The following NTM variants were observed in gnomAD, a reference collection of about 807,000 sequenced individuals.
NTM encodes the protein IgLON family member 2.
Under a neutral mutation model 42.1 loss-of-function variants are expected in NTM, and 13 were observed. The observed-to-expected ratio is 0.31, with a 90% CI of 0.20 to 0.49. The LOEUF (loss-of-function observed/expected upper bound fraction) is 0.49. Ranked by LOEUF, NTM falls within the 20% of genes least tolerant of loss-of-function variation. The pLI is 0.99. For synonymous variants in NTM, 187 were observed against 179.2 expected (o/e 1.04, Z -0.35); for missense variants, 373 against 452.8 (o/e 0.82, Z 1.60).
intron 1 of NTM, among the ~76,000 whole-genome samples, chr11:131,421,530 G>T (rs1315629223): frequency 6.6e-6 from 1 of 152,198 alleles, no homozygotes. Flanking sequence ...AGGAACAGGG[G>T]CTTAATTAGG....
At chr11:132,317,560 A>G in intron 7 of NTM, 1 of 595,098 alleles carries the variant, frequency 1.7e-6, no homozygotes, top group Middle Eastern at 3.6e-4. Context: ...TGTGAAAGGC[A>G]GTATACAAAC....
chr11:132,327,688 C>T (rs1199338607), intron 7 of NTM, among the ~76,000 whole-genome samples: 1 of 152,158 alleles, frequency 6.6e-6, no homozygotes, highest in Non-Finnish European at 1.5e-5. Context: ...ATATAACTTT[C>T]TGGATTGAGC....
intron 3 of NTM, among the ~76,000 whole-genome samples, chr11:132,179,441 A>T (rs1019680340): frequency 1.3e-5 from 2 of 152,126 alleles, no homozygotes; most frequent in African/African-American, 4.8e-5. Flanking sequence ...GGAGAGAGAG[A>T]CAGAGACAGA....
intron 4 of NTM, among the ~76,000 whole-genome samples, chr11:132,290,328 G>T (rs2094414459): frequency 6.6e-6 from 1 of 151,866 alleles, no homozygotes; most frequent in African/African-American, 2.4e-5. Flanking sequence ...ATCTCCCACT[G>T]CCCTGCCCTT....
chr11:131,430,433 A>G (rs1948559031), intron 1 of NTM, among the ~76,000 whole-genome samples: 1 of 152,284 alleles, frequency 6.6e-6, no homozygotes, highest in African/African-American at 2.4e-5. Context: ...CACATCTGAA[A>G]TCCAGGGAGG....
At chr11:131,965,029 G>C (rs112073316) in intron 2 of NTM, among the ~76,000 whole-genome samples, 1 of 152,050 alleles carries the variant, frequency 6.6e-6, no homozygotes, top group Non-Finnish European at 1.5e-5. Flanking sequence ...GGAGGATTAC[G>C]CTGGAACCTG....
chr11:132,156,940 T>A (rs574856873), intron 3 of NTM, among the ~76,000 whole-genome samples: 1 of 152,280 alleles, frequency 6.6e-6, no homozygotes, highest in South Asian at 2.1e-4. Flanking sequence ...AGCAGAGGGA[T>A]ATGAAGATGC....
At chr11:131,612,189 A>T (rs952168414) in intron 1 of NTM, among the ~76,000 whole-genome samples, 1 of 152,170 alleles carries the variant, frequency 6.6e-6, no homozygotes, top group Non-Finnish European at 1.5e-5. Context: ...TTGGAAGTGG[A>T]TCCACCCACA....
intron 2 of NTM, among the ~76,000 whole-genome samples, chr11:132,011,312 AT>A (rs2072134566): frequency 6.6e-6 from 1 of 152,184 alleles, no homozygotes; most frequent in Non-Finnish European, 1.5e-5. Flanking sequence ...AAATAAATGG[AT>A]TTTAGCAAAT....
rs187731134 is a variant in NTM, at chr11:131,791,185, T to C, written c.83-120379T>C. On this transcript the variant is annotated intron_variant, in intron 1 of 8. Transcript: ENST00000683400. ...ACAAGCAAGAGGAGGTCAAAGCTAG[T>C]TTCAGCCTACTGACTTTAATCTAAG... Among the ~76,000 whole-genome samples, 138 of 152,318 alleles carry C rather than the reference T, an allele frequency of 9.1e-4. 1 individual carries two copies. The highest frequency in any genetic ancestry group is 1.6e-3 in the Non-Finnish European group (108 of 68,028).
chr11:131,913,563 T>C (rs1592803762), intron 2 of NTM, among the ~76,000 whole-genome samples: 1 of 152,302 alleles, frequency 6.6e-6, no homozygotes, highest in Non-Finnish European at 1.5e-5. Context: ...CGTTATCATG[T>C]ACTGGCTGAC....
At chr11:131,427,875 C>T (rs553607631) in intron 1 of NTM, among the ~76,000 whole-genome samples, 138 of 152,322 alleles carry the variant, frequency 9.1e-4, no homozygotes, top group African/African-American at 3.1e-3. Flanking sequence ...CTTCTGCCTC[C>T]GTGAAAACCC....
intron 1 of NTM, among the ~76,000 whole-genome samples, chr11:131,651,401 T>G (rs1283381028): frequency 6.6e-6 from 1 of 152,220 alleles, no homozygotes; most frequent in African/African-American, 2.4e-5. Flanking sequence ...TCAAATCAAT[T>G]GCACATCTTC....
intron 1 of NTM, among the ~76,000 whole-genome samples, chr11:131,561,767 C>A (rs563392167): frequency 6.6e-6 from 1 of 152,180 alleles, no homozygotes. Flanking sequence ...CCCGAGAAAG[C>A]CTCATTCCTT....
At chr11:131,460,655 C>T (rs12275678) in intron 1 of NTM, among the ~76,000 whole-genome samples, 20,921 of 152,106 alleles carry the variant, frequency 0.14, 1,555 homozygotes, top group Non-Finnish European at 0.16. Context: ...CGGGTTCAAG[C>T]GATTCTCCTG....
intron 1 of NTM, among the ~76,000 whole-genome samples, chr11:131,781,477 A>G (rs1001774593): frequency 3.3e-5 from 5 of 152,210 alleles, no homozygotes; most frequent in African/African-American, 9.6e-5. Context: ...ACATGATAAT[A>G]TATGAACTCA....
chr11:131,668,944 C>T (rs1471460228), intron 1 of NTM, among the ~76,000 whole-genome samples: 1 of 152,266 alleles, frequency 6.6e-6, no homozygotes. Flanking sequence ...GAACTTTAGT[C>T]CTTGGGGAGA....
chr11:131,389,174 C>G (rs549593229), intron 1 of NTM, among the ~76,000 whole-genome samples: 2 of 152,202 alleles, frequency 1.3e-5, no homozygotes, highest in Non-Finnish European at 2.9e-5. Context: ...TGAGCAGCAA[C>G]GCTCTAGGAG....
intron 1 of NTM, among the ~76,000 whole-genome samples, chr11:131,560,977 G>A (rs535919180): frequency 5.3e-5 from 8 of 152,302 alleles, no homozygotes; most frequent in Middle Eastern, 3.4e-3. Context: ...ACATAGGGCA[G>A]CAAGATTCCG....
Sources: allele counts gnomAD v4.1 joint callset (sites outside exome capture counted in the v4.1 genomes callset), GRCh38; gene constraint gnomAD v4.1.1; transcripts MANE v1.5; gene names NCBI Gene and HGNC (gene_info 2026-07-23, HGNC 2026-07-21).